Variants in IGSF3 observed in about 807,000 individuals in gnomAD.
IGSF3 encodes immunoglobulin superfamily member 3.
A neutral mutation model predicts 114.4 loss-of-function variants in IGSF3; 23 were observed. The observed-to-expected ratio is 0.20, with a 90% CI of 0.14 to 0.28. IGSF3 has a LOEUF of 0.28. Among genes scored for constraint, IGSF3 ranks in the 10% least tolerant of loss-of-function variants. IGSF3 has a pLI of 1.00. For missense variants in IGSF3, 1,172 were observed against 1,591.5 expected (o/e 0.74, Z 4.48); for synonymous variants, 571 against 645.2 (o/e 0.88, Z 1.74).
intron 2 of IGSF3, among the ~76,000 whole-genome samples, chr1:116,630,527 G>A (rs535193181): frequency 2.0e-5 from 3 of 152,172 alleles, no homozygotes; most frequent in Non-Finnish European, 4.4e-5. Context: ...AATTGTCAGT[G>A]GGATACAGAG....
intron 4 of IGSF3, among the ~76,000 whole-genome samples, chr1:116,609,519 A>G (rs1291378849): frequency 6.6e-6 from 1 of 152,154 alleles, no homozygotes; most frequent in Non-Finnish European, 1.5e-5. Flanking sequence ...TTAGACAGCT[A>G]TCGTATCTCA....
rs141183067 is a variant in IGSF3, at chr1:116,647,120, A to T, written c.43+19164T>A. Among the ~76,000 whole-genome samples the T allele has an allele frequency of 0.025, 3,779 of 152,296 alleles. 152 individuals carry two copies. Among genetic ancestry groups the T allele is most frequent in the African/African-American group, 0.086 (3,589 of 41,538 alleles). On this transcript the variant is annotated intron_variant, in intron 2 of 10. Coordinates refer to ENST00000369486, the MANE Select transcript of IGSF3 (RefSeq NM_001007237.3). The surrounding 1 kb of genome is among the most constrained non-coding windows in gnomAD (Gnocchi z 4.6). Reference sequence around the variant, plus strand: ...AAAACTGGGGGACACTTAGAGGCAAAGGTATGGCAGGTGACAAAAAAGATG... The same window carrying T: ...AAAACTGGGGGACACTTAGAGGCAATGGTATGGCAGGTGACAAAAAAGATG...
In IGSF3 at chr1:116,616,389, T is replaced by C. The variant is rs1455350557; in HGVS notation, c.112A>G (p.Ile38Val). 6.2e-7 allele frequency: 1 copy of C among 1,611,322 alleles called. No individual in the cohort carries two copies. The highest frequency in any genetic ancestry group is 2.2e-5 in the East Asian group (1 of 44,882). Residue 38 changes from isoleucine to valine, a missense_variant, in exon 3 of 11, where the codon ATC (isoleucine) becomes GTC (valine). Around this residue, in one of 3 missense-constraint regions of IGSF3, gnomAD observed 736 missense variants for 1,042.0 expected, o/e 0.71. Transcript: ENST00000369486. The surrounding 1 kb of genome is among the most constrained non-coding windows in gnomAD (Gnocchi z 6.6). The stretch of plus-strand genomic sequence containing the variant: ...CCACTCACATTGCACCAGATAGTGA[T>C]GTGGGAGCCCTCCGTGCGGTACAAG... ...GPLYRTEGSH[I>V]TIWCNVSGYQ...
intron 2 of IGSF3, among the ~76,000 whole-genome samples, chr1:116,626,362 TCA>T (rs1647281617): frequency 6.7e-6 from 1 of 149,612 alleles, no homozygotes; most frequent in African/African-American, 2.6e-5. Context: ...GTTATGATCC[TCA>T]GTTTTCCTCC....
Position 116,647,947 on chromosome 1 carries a change from T to C in IGSF3, c.43+18337A>G, listed in dbSNP as rs1648470288. 6.6e-6 allele frequency among the ~76,000 whole-genome samples: 1 copy of C among 152,050 alleles called. No individual in the cohort carries two copies. The highest frequency in any genetic ancestry group is 1.5e-5 in the Non-Finnish European group (1 of 68,022). On this transcript the variant is annotated intron_variant, in intron 2 of 10. Transcript: ENST00000369486. The surrounding 1 kb of genome is among the most constrained non-coding windows in gnomAD (Gnocchi z 4.6). ...GAAGAAACCCCATCTCTACTACAAATACAAAAATTAGCTGGGTGTGATGGC... is the reference window on the plus strand; with the variant it reads ...GAAGAAACCCCATCTCTACTACAAACACAAAAATTAGCTGGGTGTGATGGC...
Position 116,614,135 on chromosome 1 carries a change from A to C in IGSF3, c.462T>G (p.Thr154=). The change falls in exon 4 of 11, where the codon ACT becomes ACG. Residue 154 remains threonine (T), a synonymous_variant. Transcript: ENST00000369486. This position sits in a 1 kb window ranked among gnomAD's most constrained non-coding sequence, Gnocchi z 4.5. ...GCGGGTCCTGCTCCACTCTGTGCAG[A>C]GTCTGGGGCATGGCAGTGGTCTGCA... ...DSLQTTAMPQ[T]LHRVEQDPLE... The C allele has an allele frequency of 1.2e-6, 2 of 1,613,414 alleles. No individual in the cohort carries two copies. The highest frequency in any genetic ancestry group is 1.7e-6 in the Non-Finnish European group (2 of 1,179,746).
At chr1:116,643,747 G>A (rs1041673210) in intron 2 of IGSF3, among the ~76,000 whole-genome samples, 3 of 152,210 alleles carry the variant, frequency 2.0e-5, no homozygotes, top group Admixed American at 6.5e-5. Flanking sequence ...TTTGACATGC[G>A]ACAGATCCTC....
Position 116,616,821 on chromosome 1 carries a change from A to C in IGSF3, c.44-364T>G, listed in dbSNP as rs1253708704. ...TAATAAAATGAGCAGGAAAAGTTGA[A>C]TCCTTGGCACAAATTCAGATGAAAA... is the stretch of plus-strand genomic sequence containing the variant. On this transcript the variant is annotated intron_variant, in intron 2 of 10. Coordinates refer to ENST00000369486, the MANE Select transcript of IGSF3 (RefSeq NM_001007237.3). The surrounding 1 kb of genome is among the most constrained non-coding windows in gnomAD (Gnocchi z 6.6). Among the ~76,000 whole-genome samples the C allele has an allele frequency of 6.6e-6, 1 of 152,214 alleles. No individual in the cohort carries two copies. The highest frequency in any genetic ancestry group is 2.4e-5 in the African/African-American group (1 of 41,450).
chr1:116,608,057 T>C lies in IGSF3; in HGVS notation c.1107A>G (p.Glu369=), dbSNP rs748382187. The change falls in exon 5 of 11, where the codon GAA becomes GAG. Residue 369 remains glutamate, a synonymous_variant. Coordinates refer to ENST00000369486, the MANE Select transcript of IGSF3 (RefSeq NM_001007237.3). ...CCCGGCAGTTGTATTTCCCGCTATC[T>C]TCCTGGCGGAGGTGGTAGATCTTCA... ...FVLKIYHLRQ[E]DSGKYNCRVT... 8 of 1,613,948 alleles carry C rather than the reference T, an allele frequency of 5.0e-6. No homozygotes were observed. Among genetic ancestry groups the C allele is most frequent in the Non-Finnish European group, 6.8e-6 (8 of 1,179,832 alleles).
chr1:116,656,273 C>T (rs1648841944), intron 2 of IGSF3, among the ~76,000 whole-genome samples: 1 of 143,862 alleles, frequency 7.0e-6, no homozygotes, highest in South Asian at 2.3e-4. Flanking sequence ...GGGGAACTTT[C>T]ACATTTTACT....
intron 1 of IGSF3, among the ~76,000 whole-genome samples, chr1:116,667,413 A>C (rs1369585175): frequency 2.0e-5 from 3 of 152,112 alleles, no homozygotes; most frequent in Non-Finnish European, 2.9e-5. Context: ...CCGGGGAAGA[A>C]GGGAGTCCGG....
intron 1 of IGSF3, among the ~76,000 whole-genome samples, chr1:116,667,202 C>T (rs1649369637): frequency 6.6e-6 from 1 of 152,172 alleles, no homozygotes; most frequent in Admixed American, 6.5e-5. Context: ...CTGGGAATTC[C>T]CGTCACCTCC....
In IGSF3 at chr1:116,628,330, TTGC is replaced by T. The variant is rs1647397387; in HGVS notation, c.44-11876_44-11874del. ...CAAATACTCAGCTTACACATGCCTG[TTGC>T]TGCTGCACTCCCCACTGTGGTTCTC... is the stretch of plus-strand genomic sequence containing the variant. On this transcript the variant is annotated intron_variant, in intron 2 of 10. Transcript: ENST00000369486. This position sits in a 1 kb window ranked among gnomAD's most constrained non-coding sequence, Gnocchi z 4.2. 6.6e-6 allele frequency among the ~76,000 whole-genome samples: 1 copy of T among 152,198 alleles called. No homozygotes were observed. Among genetic ancestry groups the T allele is most frequent in the African/African-American group, 2.4e-5 (1 of 41,448 alleles).
chr1:116,590,756 G>T (rs1017129252), intron 7 of IGSF3, among the ~76,000 whole-genome samples: 12 of 151,904 alleles, frequency 7.9e-5, no homozygotes, highest in Non-Finnish European at 1.3e-4. Flanking sequence ...ATCAAGGGTT[G>T]ATTGAGTCCC....
Position 116,666,852 on chromosome 1 carries a change from T to C in IGSF3, c.-526A>G, listed in dbSNP as rs747104989. The C allele has an allele frequency of 2.5e-6, 1 of 407,030 alleles. No individual in the cohort carries two copies. The highest frequency in any genetic ancestry group is 4.3e-6 in the Non-Finnish European group (1 of 230,868). The allele number at this position is 407,030 out of a possible 1,614,324, so 25.2% of individuals were successfully genotyped here. On this transcript the variant is annotated 5_prime_UTR_variant, in exon 2 of 11. An upstream start codon of the reference 5' UTR is lost. Coordinates refer to ENST00000369486, the MANE Select transcript of IGSF3 (RefSeq NM_001007237.3). ...TCACCAAAAAGTCCGTTTCCATCCA[T>C]GGTGGTAGGTCACGGAGGCGCCACC...
chr1:116,660,479 CTTTTTTTTTTTT>C lies in IGSF3; in HGVS notation c.43+5793_43+5804del, dbSNP rs71274759. Among the ~76,000 whole-genome samples the C allele has an allele frequency of 2.5e-4, 25 of 99,736 alleles. 1 individual carries two copies. Among genetic ancestry groups the C allele is most frequent in the South Asian group, 1.8e-3 (5 of 2,808 alleles). The allele number at this position is 99,736 out of a possible 152,430, so 65.4% of individuals were successfully genotyped here. A position where few individuals can be genotyped will look rare whatever the true frequency, so the allele number is the denominator to read the frequency against. On this transcript the variant is annotated intron_variant, in intron 2 of 10. Transcript: ENST00000369486. ...CCACACCTGGCCTATGTATGCTTTT[CTTTTTTTTTTTT>C]TTTTTTTTTTTGAGACAGAGTCTTG... is the stretch of plus-strand genomic sequence containing the variant.
Position 116,647,107 on chromosome 1 carries a change from C to T in IGSF3, c.43+19177G>A, listed in dbSNP as rs1000753311. 6.6e-6 allele frequency among the ~76,000 whole-genome samples: 1 copy of T among 152,156 alleles called. No homozygotes were observed. Among genetic ancestry groups the T allele is most frequent in the African/African-American group, 2.4e-5 (1 of 41,422 alleles). On this transcript the variant is annotated intron_variant, in intron 2 of 10. Transcript: ENST00000369486. This position sits in a 1 kb window ranked among gnomAD's most constrained non-coding sequence, Gnocchi z 4.6. ...GAGGGCAGCAATAAAAACTGGGGGA[C>T]ACTTAGAGGCAAAGGTATGGCAGGT... is the stretch of plus-strand genomic sequence containing the variant.
chr1:116,629,110 C>T lies in IGSF3; in HGVS notation c.44-12653G>A, dbSNP rs1327526048. Among the ~76,000 whole-genome samples the T allele has an allele frequency of 1.3e-5, 2 of 152,118 alleles. No individual in the cohort carries two copies. Among genetic ancestry groups the T allele is most frequent in the East Asian group, 1.9e-4 (1 of 5,178 alleles). ...TGGGTCACAAAAGCAGGAAAAGGTC[C>T]CCAAACAAAGAATCCATCAGTCAAT... On this transcript the variant is annotated intron_variant, in intron 2 of 10. Coordinates refer to ENST00000369486, the MANE Select transcript of IGSF3 (RefSeq NM_001007237.3). The surrounding 1 kb of genome is among the most constrained non-coding windows in gnomAD (Gnocchi z 4.3).
intron 2 of IGSF3, among the ~76,000 whole-genome samples, chr1:116,643,743 A>C (rs1648215945): frequency 6.6e-6 from 1 of 152,238 alleles, no homozygotes; most frequent in East Asian, 1.9e-4. Context: ...GGGCTTTGAC[A>C]TGCGACAGAT....
Sources: allele counts gnomAD v4.1 joint callset (sites outside exome capture counted in the v4.1 genomes callset), GRCh38; gene constraint gnomAD v4.1.1; regional missense constraint gnomAD v4.1.1; non-coding constraint Gnocchi (gnomAD v3.1); transcripts MANE v1.5; gene names NCBI Gene and HGNC (gene_info 2026-07-23, HGNC 2026-07-21).